The following FBXW8 variants were observed in gnomAD, a reference collection of about 807,000 sequenced individuals.
The protein encoded by FBXW8 is F-box and WD repeat domain containing 8.
A neutral mutation model predicts 65.3 loss-of-function variants in FBXW8; 57 were observed. The observed-to-expected ratio is 0.87, with a 90% CI of 0.71 to 1.09. The LOEUF is 1.09. FBXW8 is among the 50% of genes least tolerant of loss of function. The pLI, the probability that FBXW8 is intolerant of heterozygous loss-of-function variation, is 0.00. For missense variants in FBXW8, 777 were observed against 814.8 expected (o/e 0.95, Z 0.57); for synonymous variants, 308 against 330.2 (o/e 0.93, Z 0.73).
Position 116,988,822 on chromosome 12 carries a change from G to A in FBXW8, c.1192G>A (p.Val398Ile), listed in dbSNP as rs369751629. The change falls in exon 7 of 11, where the codon GTT becomes ATT. Residue 398 changes from valine (V) to isoleucine (I), a missense_variant. By Grantham distance (29) the Val-to-Ile change is conservative (BLOSUM62 3). Transcript: ENST00000652555. ...ATGTCTAGACGTCTCGGCCAACCAA[G>A]TTGCTTTTGGTGTACAGGGTCTGGG... ...VTCLDVSANQ[V>I]AFGVQGLGWV... 2.5e-5 allele frequency: 41 copies of A among 1,613,994 alleles called. No homozygotes were observed. In the African/African-American group the frequency reaches 5.1e-4, roughly 20 times the overall value.
chr12:117,024,133 C>G lies in FBXW8; in HGVS notation c.1368-14C>G. On this transcript the variant is annotated splice_polypyrimidine_tract_variant and intron_variant, in intron 8 of 10. Coordinates refer to ENST00000652555, the MANE Select transcript of FBXW8 (RefSeq NM_153348.3). ...ACCCCATTTCCCTTCTCTGCTCTTC[C>G]TGGGCCTGTCCAGGGTGAGGATCCA... The G allele has an allele frequency of 6.2e-7, 1 of 1,611,216 alleles. No homozygotes were observed. Among genetic ancestry groups the G allele is most frequent in the Non-Finnish European group, 8.5e-7 (1 of 1,178,292 alleles).
chr12:116,971,613 C>A (rs1027122583), intron 5 of FBXW8, among the ~76,000 whole-genome samples: 3 of 152,136 alleles, frequency 2.0e-5, no homozygotes, highest in African/African-American at 7.2e-5. Flanking sequence ...TGTGTTATAT[C>A]TGAATAATGG....
At chr12:117,015,541 C>T (rs930208520) in intron 8 of FBXW8, among the ~76,000 whole-genome samples, 5 of 152,222 alleles carry the variant, frequency 3.3e-5, no homozygotes, top group East Asian at 1.9e-4. Flanking sequence ...CTGGGGATCT[C>T]GCAGGGAGAA....
chr12:116,961,665 C>T lies in FBXW8; in HGVS notation c.678-3032C>T, dbSNP rs763642073. On this transcript the variant is annotated intron_variant, in intron 4 of 10. Coordinates refer to ENST00000652555, the MANE Select transcript of FBXW8 (RefSeq NM_153348.3). This position sits in a 1 kb window ranked among gnomAD's most constrained non-coding sequence, Gnocchi z 4.4. ...TGCACAGCTATGAACAAAACCCAGA[C>T]CCTGAGCTCAGAAGCTTCAGGCTGG... 2.0e-5 allele frequency among the ~76,000 whole-genome samples: 3 copies of T among 152,166 alleles called. No homozygotes were observed. The highest frequency in any genetic ancestry group is 4.4e-5 in the Non-Finnish European group (3 of 68,034).
In FBXW8 at chr12:117,027,427, C is replaced by T. The variant is rs1204980797; in HGVS notation, c.1575C>T (p.His525=). The change falls in exon 10 of 11, where the codon CAC becomes CAT. Residue 525 remains histidine (H), a synonymous_variant. Transcript: ENST00000652555. ...HPVQHISFSS[H]SLITANVPYQ... is the part of the protein sequence containing the mutation. ...TGCAGCACATCTCATTCAGCAGCCACAGCCTCATCACGGCCAACGTGCCTT... is the reference window on the plus strand; with the variant it reads ...TGCAGCACATCTCATTCAGCAGCCATAGCCTCATCACGGCCAACGTGCCTT... 2 of 1,614,184 alleles carry T rather than the reference C, an allele frequency of 1.2e-6. No individual in the cohort carries two copies. Among genetic ancestry groups the T allele is most frequent in the South Asian group, 1.1e-5 (1 of 91,086 alleles).
chr12:116,980,730 A>G (rs955550827), intron 5 of FBXW8, among the ~76,000 whole-genome samples: 1 of 152,228 alleles, frequency 6.6e-6, no homozygotes, highest in African/African-American at 2.4e-5. Context: ...TTCAAGTTAA[A>G]ACATCTAGAA....
At chr12:116,911,751 C>T (rs1879964158) in intron 1 of FBXW8, among the ~76,000 whole-genome samples, 1 of 152,032 alleles carries the variant, frequency 6.6e-6, no homozygotes, top group East Asian at 1.9e-4. Context: ...TTGAAGGCTA[C>T]CTAAACTTTG....
At chr12:117,005,976 A>G (rs1237528133) in intron 7 of FBXW8, among the ~76,000 whole-genome samples, 1 of 152,132 alleles carries the variant, frequency 6.6e-6, no homozygotes, top group African/African-American at 2.4e-5. Flanking sequence ...TCTCTTTGCC[A>G]CTGCCCTTTT....
At position 116,970,714 on chromosome 12, in the gene FBXW8, C is replaced by G. The variant is rs566188991; in HGVS notation, c.835+5860C>G. 2.6e-5 allele frequency among the ~76,000 whole-genome samples: 4 copies of G among 152,200 alleles called. No homozygotes were observed. The South Asian group carries it at 8.3e-4, about 32-fold the overall frequency. On this transcript the variant is annotated intron_variant, in intron 5 of 10. Coordinates refer to ENST00000652555, the MANE Select transcript of FBXW8 (RefSeq NM_153348.3). ...TTTGAATGCAGTAAACAACTACCCCCCTGCCCCCAACATTGAAGTTTTAGA... is the reference window on the plus strand; with the variant it reads ...TTTGAATGCAGTAAACAACTACCCCGCTGCCCCCAACATTGAAGTTTTAGA...
At chr12:116,937,723 T>C (rs866128960) in intron 2 of FBXW8, among the ~76,000 whole-genome samples, 13 of 147,420 alleles carry the variant, frequency 8.8e-5, no homozygotes, top group Admixed American at 4.0e-4. Context: ...GCTGTCTCTA[T>C]GTGGTGTGTC....
intron 8 of FBXW8, among the ~76,000 whole-genome samples, chr12:117,016,262 C>CCATT (rs1953944208): frequency 6.6e-6 from 1 of 152,176 alleles, no homozygotes; most frequent in African/African-American, 2.4e-5. Context: ...AGTGGCTGTA[C>CCATT]CATTTTACAT....
intron 1 of FBXW8, among the ~76,000 whole-genome samples, chr12:116,918,385 A>C (rs1270599389): frequency 4.6e-5 from 7 of 152,190 alleles, no homozygotes; most frequent in Non-Finnish European, 1.0e-4. Flanking sequence ...CACCCAACCC[A>C]AACTGGCTTA....
chr12:116,949,866 C>T, intron 4 of FBXW8, 160 bp downstream of exon 4: 1 of 697,840 alleles, frequency 1.4e-6, no homozygotes, highest in African/African-American at 1.8e-5. Flanking sequence ...ATTCTGTTCC[C>T]AAGGACGTGA....
chr12:117,016,983 TGATCTGTATGTCTGTG>T (rs796296785), intron 8 of FBXW8, among the ~76,000 whole-genome samples: 4 of 152,376 alleles, frequency 2.6e-5, no homozygotes, highest in African/African-American at 9.6e-5. Context: ...TCTGTTCTGT[TGATCTGTATGTCTGTG>T]TTCTGGCACT....
chr12:116,985,162 A>G (rs1267161142), intron 5 of FBXW8, 44 bp from the exon 6 acceptor site: 19 of 1,497,436 alleles, frequency 1.3e-5, no homozygotes, highest in Non-Finnish European at 1.7e-5. Context: ...TGAACATATT[A>G]AGTAAATTTA....
intron 4 of FBXW8, among the ~76,000 whole-genome samples, chr12:116,952,109 T>G (rs917494183): frequency 2.6e-5 from 4 of 152,196 alleles, no homozygotes; most frequent in Non-Finnish European, 5.9e-5. Context: ...ACTGTTCTAT[T>G]TAGTTACCTC....
chr12:117,027,357 G>T, intron 9 of FBXW8, 37 bp from the exon 10 acceptor site: 1 of 1,546,590 alleles, frequency 6.5e-7, no homozygotes. Flanking sequence ...AGGCCCAGTG[G>T]ACGCCCCCTT....
intron 5 of FBXW8, among the ~76,000 whole-genome samples, chr12:116,984,996 TAAAA>T (rs1046840710): frequency 3.9e-5 from 6 of 151,984 alleles, no homozygotes; most frequent in African/African-American, 1.4e-4. Context: ...TTCTAAAAAA[TAAAA>T]AAGTAAAATA....
chr12:116,994,620 G>A (rs1022238867), intron 7 of FBXW8, among the ~76,000 whole-genome samples: 1 of 152,208 alleles, frequency 6.6e-6, no homozygotes, highest in African/African-American at 2.4e-5. Flanking sequence ...AATGAGAATA[G>A]TAAAGTGCTA....
Sources: gnomAD v4.1 joint callset for allele counts (sites outside exome capture counted in the v4.1 genomes callset) on GRCh38, gnomAD v4.1.1 for gene constraint, Gnocchi (gnomAD v3.1) non-coding constraint, MANE v1.5 for transcripts, NCBI Gene and HGNC (gene_info 2026-07-23, HGNC 2026-07-21) for gene names.